The following NADK2 variants were observed in gnomAD, a reference collection of about 807,000 sequenced individuals.
The protein encoded by NADK2 is NAD kinase domain-containing protein 1, mitochondrial.
NADK2 carries 35 observed loss-of-function variants against 62.1 expected under a neutral mutation model. The ratio of observed to expected loss-of-function variants is 0.56; its 90% confidence interval spans 0.43 to 0.75. The LOEUF is 0.75. Among genes scored for constraint, NADK2 ranks in the 30% least tolerant of loss-of-function variants. NADK2 has a pLI of 0.00. For missense variants in NADK2, 439 were observed against 561.3 expected, an observed-to-expected ratio of 0.78 and a Z score of 2.20; for synonymous variants, 205 against 207.9, an observed-to-expected ratio of 0.99 and a Z score of 0.12.
At position 36,217,813 on chromosome 5, in the gene NADK2, T is replaced by A; in HGVS notation, c.716A>T (p.His239Leu). 6.2e-7 allele frequency: 1 copy of A among 1,614,004 alleles called. No homozygotes were observed. Among genetic ancestry groups the A allele is most frequent in the Non-Finnish European group, 8.5e-7 (1 of 1,179,910 alleles). The change falls in exon 6 of 12, where the codon CAC (histidine) becomes CTC (leucine). Residue 239 changes from histidine to leucine, a missense_variant. Transcript: ENST00000381937. ...CTGATTCAAGCTTAGCTGCTGCTCG[T>A]GAAGGTCCACAGGTACAGGGTTTAT... is the stretch of plus-strand genomic sequence containing the variant. ...TGINPVPVDL[H>L]EQQLSLNQHN...
intron 1 of NADK2, among the ~76,000 whole-genome samples, chr5:36,230,902 T>C (rs565107909): frequency 2.0e-5 from 3 of 152,340 alleles, no homozygotes; most frequent in Non-Finnish European, 4.4e-5. Flanking sequence ...CCAAAGACAA[T>C]GATAACTAAT....
intron 1 of NADK2, among the ~76,000 whole-genome samples, chr5:36,239,403 A>G (rs1748025720): frequency 6.6e-6 from 1 of 152,190 alleles, no homozygotes; most frequent in African/African-American, 2.4e-5. Flanking sequence ...GAACTTATCC[A>G]ATAAAACTGT....
At chr5:36,230,251 G>T (rs1747657858) in intron 1 of NADK2, among the ~76,000 whole-genome samples, 1 of 151,960 alleles carries the variant, frequency 6.6e-6, no homozygotes, top group Non-Finnish European at 1.5e-5. Context: ...AATCTCTTTG[G>T]TCTATTTTCA....
chr5:36,207,203 A>T lies in NADK2; in HGVS notation c.923T>A (p.Leu308His). 1.9e-6 allele frequency: 3 copies of T among 1,613,232 alleles called. No individual in the cohort carries two copies. Among genetic ancestry groups the T allele is most frequent in the Non-Finnish European group, 2.5e-6 (3 of 1,179,468 alleles). ...TGATCCTGTTCCAGTACACAAATTGAGCCCTGAACTCTTCTGTTTTTCCCA... is the reference window on the plus strand; with the variant it reads ...TGATCCTGTTCCAGTACACAAATTGTGCCCTGAACTCTTCTGTTTTTCCCA... ...GPWEKQKSSGLNLCTGTGSKA... is the reference protein window; with the variant it reads ...GPWEKQKSSGHNLCTGTGSKA... The change falls in exon 8 of 12, where the codon CTC becomes CAC. Residue 308 changes from leucine (L) to histidine (H), a missense_variant. Leu to His is a moderately conservative substitution (Grantham distance 99). Coordinates refer to ENST00000381937, the MANE Select transcript of NADK2 (RefSeq NM_001085411.3).
In NADK2 at chr5:36,241,249, C is replaced by CT. The variant is rs529779962; in HGVS notation, c.300+249dup. ...GCCCTCCCCGCGGCGCCCCTGCCTC[C>CT]TAAGTCCCTGCATGAACCACTGTCC... is the stretch of plus-strand genomic sequence containing the variant. On this transcript the variant is annotated intron_variant, in intron 1 of 11. Transcript: ENST00000381937. The surrounding 1 kb of genome is among the most constrained non-coding windows in gnomAD (Gnocchi z 4.9). 8.6e-4 allele frequency: 527 copies of CT among 615,432 alleles called. 2 individuals carry two copies. In the African/African-American group the frequency reaches 9.6e-3, roughly 11 times the overall value. The allele number at this position is 615,432 out of a possible 1,614,324, so 38.1% of individuals were successfully genotyped here.
At position 36,227,414 on chromosome 5, in the gene NADK2, C is replaced by T. The variant is rs1035945994; in HGVS notation, c.389+63G>A. ...AAAATCTAAGAATGGGCTGCTAGTA[C>T]AAAATAAAAACTGGAAGTCCTGAAT... On this transcript the variant is annotated intron_variant, in intron 2 of 11. Transcript: ENST00000381937. 13 of 764,404 alleles carry T rather than the reference C, an allele frequency of 1.7e-5. No individual in the cohort carries two copies. The Admixed American group carries it at 2.9e-4, about 17-fold the overall frequency. The allele number at this position is 764,404 out of a possible 1,614,324, so 47.4% of individuals were successfully genotyped here. A position where few individuals can be genotyped will look rare whatever the true frequency, so the allele number is the denominator to read the frequency against.
rs758455995 is a variant in NADK2, at chr5:36,211,929, G to A, written c.782-7C>T. On this transcript the variant is annotated splice_region_variant and splice_polypyrimidine_tract_variant and intron_variant, in intron 6 of 11. Coordinates refer to ENST00000381937, the MANE Select transcript of NADK2 (RefSeq NM_001085411.3). ...GGTCCTGAAGCCTCAGACCCTGCAT[G>A]TAATTTAAGACAAAGAAAATCCAAG... 1.0e-5 allele frequency: 16 copies of A among 1,605,558 alleles called. 1 individual carries two copies. The Admixed American group carries it at 1.9e-4, about 19-fold the overall frequency.
rs4869626 is a variant in NADK2 at position 36,205,896 on chromosome 5, T to A, written c.956+1274A>T. Among the ~76,000 whole-genome samples, 140,770 of 152,184 alleles carry A rather than the reference T, an allele frequency of 0.92. 65,598 individuals are homozygous for A. Among genetic ancestry groups the A allele is most frequent in the Non-Finnish European group, 0.98 (66,999 of 68,030 alleles). On this transcript the variant is annotated intron_variant, in intron 8 of 11. Transcript: ENST00000381937. This position sits in a 1 kb window ranked among gnomAD's most constrained non-coding sequence, Gnocchi z 4.1. ...TAGCAAAGACTTGGAACCAACCCAATTGTCCACCAATAACAGACTGGATAA... is the reference window on the plus strand; with the variant it reads ...TAGCAAAGACTTGGAACCAACCCAAATGTCCACCAATAACAGACTGGATAA...
At chr5:36,208,090 C>A (rs1241929565) in intron 7 of NADK2, among the ~76,000 whole-genome samples, 1 of 151,968 alleles carries the variant, frequency 6.6e-6, no homozygotes, top group Non-Finnish European at 1.5e-5. Flanking sequence ...ACGATAAAAC[C>A]GTAATAAAAT....
At chr5:36,216,668 C>T (rs1290106396) in intron 6 of NADK2, among the ~76,000 whole-genome samples, 1 of 151,922 alleles carries the variant, frequency 6.6e-6, no homozygotes, top group East Asian at 1.9e-4. Context: ...GAAATATTAA[C>T]TTCATTTATA....
chr5:36,209,341 T>C (rs1166324757), intron 7 of NADK2, among the ~76,000 whole-genome samples: 1 of 152,142 alleles, frequency 6.6e-6, no homozygotes, highest in East Asian at 1.9e-4. Context: ...CTGATCCAAG[T>C]TTTCCTCCAT....
chr5:36,213,891 C>T (rs1008128212), intron 6 of NADK2, among the ~76,000 whole-genome samples: 4 of 152,000 alleles, frequency 2.6e-5, no homozygotes, highest in African/African-American at 9.7e-5. Context: ...CACCATCAAA[C>T]TGTAACCATG....
intron 1 of NADK2, among the ~76,000 whole-genome samples, chr5:36,231,587 CT>C (rs1252394705): frequency 1.3e-5 from 2 of 152,142 alleles, no homozygotes; most frequent in African/African-American, 4.8e-5. Flanking sequence ...ATTAGAAAGG[CT>C]TAAATCACTA....
chr5:36,226,709 T>C (rs1579629905), intron 2 of NADK2, 146 bp from the exon 3 acceptor site: 1 of 575,096 alleles, frequency 1.7e-6, no homozygotes, highest in South Asian at 2.5e-5. Context: ...TTTATAACAT[T>C]ATCTTTGTTT....
chr5:36,223,354 TG>T (rs1747347217), intron 4 of NADK2, among the ~76,000 whole-genome samples: 1 of 152,134 alleles, frequency 6.6e-6, no homozygotes, highest in African/African-American at 2.4e-5. Context: ...AGATCAGTGT[TG>T]GAATAAAGAT....
chr5:36,196,332 G>C (rs1404080482), intron 11 of NADK2, among the ~76,000 whole-genome samples: 1 of 152,116 alleles, frequency 6.6e-6, no homozygotes, highest in Admixed American at 6.6e-5. Context: ...TCTGGTGGGT[G>C]TATATGGTAG....
intron 7 of NADK2, chr5:36,208,516 A>G (rs1165396391): frequency 1.3e-5 from 10 of 769,660 alleles, no homozygotes; most frequent in Middle Eastern, 3.0e-4. Flanking sequence ...AGCCCAAAAT[A>G]ATGAGCAAAT....
intron 4 of NADK2, among the ~76,000 whole-genome samples, chr5:36,222,438 G>A (rs763479361): frequency 1.1e-4 from 16 of 152,158 alleles, no homozygotes; most frequent in Non-Finnish European, 2.1e-4. Flanking sequence ...CTTTTAGAAA[G>A]GATCCCAGGC....
Position 36,241,283 on chromosome 5 carries a change from C to A in NADK2, c.300+216G>T. 1.1e-6 allele frequency: 1 copy of A among 940,818 alleles called. No homozygotes were observed. Among genetic ancestry groups the A allele is most frequent in the Admixed American group, 4.2e-5 (1 of 23,964 alleles). 58.3% of individuals were successfully genotyped at this position (940,818 alleles called of 1,614,324 possible). A position where few individuals can be genotyped will look rare whatever the true frequency, so the allele number is the denominator to read the frequency against. On this transcript the variant is annotated intron_variant, in intron 1 of 11. Transcript: ENST00000381937. The surrounding 1 kb of genome is among the most constrained non-coding windows in gnomAD (Gnocchi z 4.9). ...TGCATGAACCACTGTCCCTCTCTCTCCCCCTCTCCCCGGCCCTGCCTCTCC... is the reference window on the plus strand; with the variant it reads ...TGCATGAACCACTGTCCCTCTCTCTACCCCTCTCCCCGGCCCTGCCTCTCC...
Sources: allele counts gnomAD v4.1 joint callset (sites outside exome capture counted in the v4.1 genomes callset), GRCh38; gene constraint gnomAD v4.1.1; non-coding constraint Gnocchi (gnomAD v3.1); transcripts MANE v1.5; gene names NCBI Gene and HGNC (gene_info 2026-07-23, HGNC 2026-07-21).